Variants in TMTC1 observed in about 807,000 individuals in gnomAD.
TMTC1 encodes protein O-mannosyl-transferase TMTC1.
In TMTC1, 73 loss-of-function variants were observed where a neutral mutation model predicts 104.8. The ratio of observed to expected loss-of-function variants is 0.70; its 90% CI spans 0.58 to 0.85. TMTC1 has a LOEUF of 0.85. TMTC1 is among the 40% of genes least tolerant of loss of function. TMTC1 has a pLI of 0.00. For synonymous variants in TMTC1, 434 were observed against 428.7 expected (o/e 1.01, Z -0.15); for missense variants, 1,035 against 1,096.1 (o/e 0.94, Z 0.79).
chr12:29,768,593 G>A (rs917218088), intron 1 of TMTC1, among the ~76,000 whole-genome samples: 1 of 152,208 alleles, frequency 6.6e-6, no homozygotes, highest in African/African-American at 2.4e-5. Flanking sequence ...TCTAGATTAT[G>A]CAGCTGGAAG....
intron 6 of TMTC1, 86 bp downstream of exon 6, chr12:29,633,061 C>A: frequency 2.3e-6 from 3 of 1,278,878 alleles, no homozygotes; most frequent in South Asian, 3.2e-5. Flanking sequence ...CAATTTACAC[C>A]CAGACCATCC....
chr12:29,588,036 A>G (rs1213326907), intron 7 of TMTC1, among the ~76,000 whole-genome samples: 3 of 152,096 alleles, frequency 2.0e-5, no homozygotes, highest in Non-Finnish European at 4.4e-5. Flanking sequence ...TGGAGCTCTC[A>G]TTTCTTTCTT....
chr12:29,729,863 T>C (rs1165342718), intron 5 of TMTC1, among the ~76,000 whole-genome samples: 1 of 152,230 alleles, frequency 6.6e-6, no homozygotes, highest in Admixed American at 6.5e-5. Flanking sequence ...CCCTGCACTC[T>C]TGGAATTCAT....
intron 5 of TMTC1, among the ~76,000 whole-genome samples, chr12:29,636,972 A>G (rs1938583130): frequency 6.6e-6 from 1 of 151,876 alleles, no homozygotes; most frequent in Non-Finnish European, 1.5e-5. Context: ...GAGAGGATGG[A>G]TCACTTTAGC....
At chr12:29,512,453 A>C (rs1380801309) in intron 16 of TMTC1, among the ~76,000 whole-genome samples, 1 of 152,106 alleles carries the variant, frequency 6.6e-6, no homozygotes, top group Non-Finnish European at 1.5e-5. Flanking sequence ...GCCTTTTTTC[A>C]CTGCAAATGG....
At chr12:29,644,072 TAGATAAATATAA>T (rs1282214695) in intron 5 of TMTC1, among the ~76,000 whole-genome samples, 33 of 27,384 alleles carry the variant, frequency 1.2e-3, no homozygotes, top group South Asian at 2.0e-3. Context: ...ATATAATTTA[TAGATAAATATAA>T]ATATAAATAT....
chr12:29,680,968 A>G (rs113365257), intron 5 of TMTC1, among the ~76,000 whole-genome samples: 22,591 of 151,904 alleles, frequency 0.15, 1,899 homozygotes, highest in East Asian at 0.34. Flanking sequence ...GCATGGTGGC[A>G]CATGCCTGTA....
At chr12:29,675,105 A>C (rs565492044) in intron 5 of TMTC1, among the ~76,000 whole-genome samples, 1 of 152,298 alleles carries the variant, frequency 6.6e-6, no homozygotes, top group East Asian at 1.9e-4. Flanking sequence ...AATTCAGCTA[A>C]GTTTCCCTTG....
At chr12:29,778,349 G>C (rs1233748028) in intron 1 of TMTC1, among the ~76,000 whole-genome samples, 2 of 152,228 alleles carry the variant, frequency 1.3e-5, no homozygotes, top group Non-Finnish European at 2.9e-5. Flanking sequence ...GAACAATTCA[G>C]CAGTATCTTC....
chr12:29,545,629 T>TCTCACACACACA (rs1333007328), intron 10 of TMTC1, among the ~76,000 whole-genome samples: 8 of 73,528 alleles, frequency 1.1e-4, no homozygotes, highest in African/African-American at 4.6e-4. Context: ...CAAGACTCTG[T>TCTCACACACACA]CACACACACA....
At chr12:29,618,361 G>A (rs1947041772) in intron 6 of TMTC1, among the ~76,000 whole-genome samples, 1 of 152,008 alleles carries the variant, frequency 6.6e-6, no homozygotes, top group African/African-American at 2.4e-5. Context: ...AACAACCCTA[G>A]GTCCTACATA....
intron 5 of TMTC1, among the ~76,000 whole-genome samples, chr12:29,730,037 A>C (rs1942504483): frequency 6.6e-6 from 1 of 152,212 alleles, no homozygotes; most frequent in South Asian, 2.1e-4. Flanking sequence ...TGCCAACGAG[A>C]ACAAGGGATG....
intron 5 of TMTC1, among the ~76,000 whole-genome samples, chr12:29,676,926 C>T (rs977177444): frequency 6.6e-6 from 1 of 152,144 alleles, no homozygotes; most frequent in Non-Finnish European, 1.5e-5. Flanking sequence ...AGAAAAACAT[C>T]CTGTCCTCCT....
rs572445913 is a variant in TMTC1, at chr12:29,606,981, C to G, written c.1129-2682G>C. On this transcript the variant is annotated intron_variant, in intron 6 of 17. Coordinates refer to ENST00000539277, the MANE Select transcript of TMTC1 (RefSeq NM_001193451.2). ...GCACAGCCAACCTTCCTGCCCCCCC[C>G]CCTCACTCACGGACACCCGTAGTGA... Among the ~76,000 whole-genome samples, 92 of 148,930 alleles carry G rather than the reference C, an allele frequency of 6.2e-4. 2 individuals carry two copies. The East Asian group carries it at 0.013, about 22-fold the overall frequency.
chr12:29,730,614 C>T (rs1565799699), intron 5 of TMTC1, among the ~76,000 whole-genome samples: 1 of 152,206 alleles, frequency 6.6e-6, no homozygotes, highest in Non-Finnish European at 1.5e-5. Context: ...ACAGCATTGT[C>T]ATCTGCAGCG....
intron 7 of TMTC1, among the ~76,000 whole-genome samples, chr12:29,586,832 T>C (rs534544237): frequency 6.6e-6 from 1 of 151,434 alleles, no homozygotes; most frequent in South Asian, 2.1e-4. Flanking sequence ...CTGGATTCGG[T>C]TTGCCAGTAT....
At chr12:29,622,219 C>G (rs1937711400) in intron 6 of TMTC1, among the ~76,000 whole-genome samples, 1 of 151,988 alleles carries the variant, frequency 6.6e-6, no homozygotes, top group South Asian at 2.1e-4. Flanking sequence ...TACAAGTATG[C>G]TACAAGATTA....
chr12:29,603,591 G>T (rs965658344), intron 7 of TMTC1, among the ~76,000 whole-genome samples: 1 of 152,062 alleles, frequency 6.6e-6, no homozygotes, highest in Non-Finnish European at 1.5e-5. Flanking sequence ...AGTGGCCTTG[G>T]AACAATGACA....
At chr12:29,584,737 G>A (rs1946081507) in intron 7 of TMTC1, among the ~76,000 whole-genome samples, 1 of 151,806 alleles carries the variant, frequency 6.6e-6, no homozygotes, top group South Asian at 2.1e-4. Context: ...ATGGTTTCCA[G>A]CTTCATCCAT....
Sources: allele counts gnomAD v4.1 joint callset (sites outside exome capture counted in the v4.1 genomes callset), GRCh38; gene constraint gnomAD v4.1.1; transcripts MANE v1.5; gene names NCBI Gene and HGNC (gene_info 2026-07-23, HGNC 2026-07-21).